Variants in MARCHF1 observed in about 807,000 individuals in gnomAD.
The protein encoded by MARCHF1 is E3 ubiquitin-protein ligase MARCHF1.
A neutral mutation model predicts 54.2 loss-of-function variants in MARCHF1; 40 were observed. The observed-to-expected ratio is 0.74, with a 90% CI of 0.57 to 0.96. MARCHF1 has a LOEUF of 0.96. MARCHF1 is among the 40% of genes least tolerant of loss of function. The pLI is 0.00. For synonymous variants in MARCHF1, 236 were observed against 236.3 expected (o/e 1.00, Z 0.01); for missense variants, 586 against 656.5 (o/e 0.89, Z 1.17).
intron 1 of MARCHF1, among the ~76,000 whole-genome samples, chr4:164,366,843 TTTTCTTA>T (rs906489918): frequency 5.9e-5 from 9 of 151,998 alleles, no homozygotes; most frequent in African/African-American, 2.2e-4. Context: ...ATTAGGGTAA[TTTTCTTA>T]TTTCTAAGTG....
intron 3 of MARCHF1, among the ~76,000 whole-genome samples, chr4:163,981,963 A>C (rs1036163993): frequency 1.3e-5 from 2 of 152,324 alleles, no homozygotes; most frequent in South Asian, 2.1e-4. Context: ...AATTTAAAAA[A>C]TACGGACCAG....
intron 1 of MARCHF1, chr4:164,189,157 C>G: frequency 8.5e-6 from 5 of 587,132 alleles, no homozygotes; most frequent in Non-Finnish European, 1.6e-5. Context: ...CTATGACTAG[C>G]GTGTCATGGA....
intron 1 of MARCHF1, among the ~76,000 whole-genome samples, chr4:164,156,989 C>T (rs1364553784): frequency 2.0e-5 from 3 of 152,146 alleles, no homozygotes; most frequent in Non-Finnish European, 4.4e-5. Context: ...AACAATGATG[C>T]TAAGACTAGA....
At chr4:163,529,684 CTT>C (rs1491416128) in intron 9 of MARCHF1, 1 of 152,060 alleles carries the variant, frequency 6.6e-6, no homozygotes, top group Non-Finnish European at 1.5e-5. Flanking sequence ...AACCATCACA[CTT>C]TTATAGATGT....
chr4:163,562,628 C>CT (rs1739508649), intron 8 of MARCHF1, among the ~76,000 whole-genome samples: 1 of 152,108 alleles, frequency 6.6e-6, no homozygotes, highest in African/African-American at 2.4e-5. Flanking sequence ...CCTGACTCCT[C>CT]TGAGCCTGAG....
At chr4:164,250,355 C>A (rs1340172254) in intron 1 of MARCHF1, among the ~76,000 whole-genome samples, 2 of 151,950 alleles carry the variant, frequency 1.3e-5, no homozygotes, top group African/African-American at 4.8e-5. Context: ...TCATTTGTTA[C>A]CAGATTTTAG....
chr4:163,712,611 C>T (rs1745139839), intron 4 of MARCHF1, among the ~76,000 whole-genome samples: 1 of 152,068 alleles, frequency 6.6e-6, no homozygotes, highest in African/African-American at 2.4e-5. Flanking sequence ...CTTATTCCTC[C>T]CTTATGTCAG....
chr4:163,692,541 A>G (rs1744495363), intron 5 of MARCHF1, among the ~76,000 whole-genome samples: 2 of 152,286 alleles, frequency 1.3e-5, no homozygotes, highest in South Asian at 4.1e-4. Flanking sequence ...TAAGAGGAAG[A>G]ATGAGAAGAA....
intron 1 of MARCHF1, among the ~76,000 whole-genome samples, chr4:164,241,394 G>A (rs1732743891): frequency 6.6e-6 from 1 of 152,104 alleles, no homozygotes; most frequent in African/African-American, 2.4e-5. Flanking sequence ...CTTTGGCCCA[G>A]CGATCACTCA....
intron 5 of MARCHF1, among the ~76,000 whole-genome samples, chr4:163,643,351 TA>T (rs1266219697): frequency 6.6e-6 from 1 of 151,176 alleles, no homozygotes. Flanking sequence ...AAAATAAAAA[TA>T]AAAATAAATT....
intron 4 of MARCHF1, among the ~76,000 whole-genome samples, chr4:163,742,307 C>T (rs917789343): frequency 6.6e-6 from 1 of 151,594 alleles, no homozygotes; most frequent in Non-Finnish European, 1.5e-5. Flanking sequence ...GGGATTAACT[C>T]TTCTTTCCCT....
intron 5 of MARCHF1, among the ~76,000 whole-genome samples, chr4:163,648,472 T>C (rs931153327): frequency 5.3e-5 from 8 of 151,906 alleles, no homozygotes; most frequent in African/African-American, 1.7e-4. Flanking sequence ...TTGAATAAAT[T>C]TGATGCATAA....
chr4:163,931,370 C>T (rs1050209661), intron 3 of MARCHF1, among the ~76,000 whole-genome samples: 4 of 152,002 alleles, frequency 2.6e-5, no homozygotes, highest in African/African-American at 7.2e-5. Flanking sequence ...GTGTTAACCC[C>T]CAAAGTGATG....
intron 1 of MARCHF1, among the ~76,000 whole-genome samples, chr4:164,177,841 A>G (rs954234089): frequency 1.3e-5 from 2 of 152,106 alleles, no homozygotes; most frequent in Non-Finnish European, 2.9e-5. Flanking sequence ...ACAGAGAGAC[A>G]AAGAAAGACA....
intron 7 of MARCHF1, among the ~76,000 whole-genome samples, chr4:163,606,300 A>T (rs1358991110): frequency 6.6e-6 from 1 of 152,068 alleles, no homozygotes; most frequent in African/African-American, 2.4e-5. Flanking sequence ...CTCTCTTAGC[A>T]TGCACTGATT....
chr4:163,917,387 G>A (rs905929353), intron 3 of MARCHF1, among the ~76,000 whole-genome samples: 3 of 152,050 alleles, frequency 2.0e-5, no homozygotes, highest in African/African-American at 7.2e-5. Context: ...CAATATCAAT[G>A]AATGGGGGTT....
chr4:163,838,536 A>G (rs1749254437), intron 4 of MARCHF1, among the ~76,000 whole-genome samples: 1 of 152,148 alleles, frequency 6.6e-6, no homozygotes, highest in South Asian at 2.1e-4. Context: ...AAGTACATTT[A>G]TCAAGAAATT....
chr4:163,962,280 C>T (rs1346775974), intron 3 of MARCHF1, among the ~76,000 whole-genome samples: 1 of 151,774 alleles, frequency 6.6e-6, no homozygotes, highest in Non-Finnish European at 1.5e-5. Flanking sequence ...CATTTGGGAC[C>T]AGAAACAAAT....
chr4:163,723,623 C>T (rs1261015793), intron 4 of MARCHF1, among the ~76,000 whole-genome samples: 3 of 152,148 alleles, frequency 2.0e-5, no homozygotes, highest in Non-Finnish European at 4.4e-5. Context: ...GAGTGTTTTC[C>T]AACTTGGTTC....
Sources: allele counts gnomAD v4.1 joint callset (sites outside exome capture counted in the v4.1 genomes callset), GRCh38; gene constraint gnomAD v4.1.1; transcripts MANE v1.5; gene names NCBI Gene and HGNC (gene_info 2026-07-23, HGNC 2026-07-21).